ZMAT1: variants seen among roughly 807,000 people sequenced by gnomAD.
ZMAT1 encodes the protein zinc finger matrin-type protein 1.
In ZMAT1, 11 loss-of-function variants were observed where a neutral mutation model predicts 18.5. The ratio of observed to expected loss-of-function variants is 0.59; its 90% confidence interval spans 0.37 to 0.98. The LOEUF (loss-of-function observed/expected upper bound fraction) is 0.98. Ranked by LOEUF, ZMAT1 falls within the 50% of genes least tolerant of loss-of-function variation. The pLI, the probability that ZMAT1 is intolerant of heterozygous loss-of-function variation, is 0.01. For synonymous variants in ZMAT1, 211 were observed against 176.4 expected, an observed-to-expected ratio of 1.20 and a Z score of -1.55; for missense variants, 525 against 496.2, an observed-to-expected ratio of 1.06 and a Z score of -0.55.
intron 1 of ZMAT1, among the ~76,000 whole-genome samples, chrX:101,921,025 G>GA (rs34927033): frequency 0.13 from 13,090 of 98,629 alleles, 847 homozygotes; most frequent in Non-Finnish European, 0.19. Flanking sequence ...AGAGATTTTT[G>GA]AAAAAAAAAA....
intron 1 of ZMAT1, among the ~76,000 whole-genome samples, chrX:101,913,037 G>A (rs1929067662): frequency 9.0e-6 from 1 of 111,622 alleles, no homozygotes; most frequent in Non-Finnish European, 1.9e-5. Flanking sequence ...AAAGTGGGGG[G>A]ATGAAGTTAA....
intron 4 of ZMAT1, chrX:101,887,143 C>G (rs1006678312): frequency 1.0e-5 from 6 of 600,677 alleles, no homozygotes; most frequent in Non-Finnish European, 1.2e-5. Context: ...CAACCAAAAC[C>G]TGAAACGTCC....
chrX:101,890,728 G>A (rs780015937), intron 4 of ZMAT1, among the ~76,000 whole-genome samples: 22 of 110,739 alleles, frequency 2.0e-4, no homozygotes, highest in Admixed American at 1.3e-3. Context: ...AGCATAATAC[G>A]GGGGTCTGAA....
chrX:101,904,284 C>T lies in ZMAT1; in HGVS notation c.339G>A (p.Lys113=). 8.3e-7 allele frequency: 1 copy of T among 1,208,516 alleles called. No homozygotes were observed. The highest frequency in any genetic ancestry group is 1.1e-6 in the Non-Finnish European group (1 of 894,263). The change falls in exon 2 of 6, where the codon AAG becomes AAA. Residue 113 remains lysine, a synonymous_variant. Coordinates refer to ENST00000651725, the MANE Select transcript of ZMAT1 (RefSeq NM_001394560.1). ...EQEKAELFTD[K]FCQVCGVMLQ... ...GCATCACTCCACATACTTGACAAAA[C>T]TTATCTGTAAAAAGTTCAGCCTTTT...
intron 1 of ZMAT1, among the ~76,000 whole-genome samples, chrX:101,916,126 C>A (rs942017717): frequency 6.4e-5 from 7 of 110,063 alleles, no homozygotes; most frequent in African/African-American, 2.0e-4. Flanking sequence ...TAATCCTCAG[C>A]AAACTAACAC....
chrX:101,931,922 G>A lies in ZMAT1; in HGVS notation c.87C>T (p.Ser29=). Residue 29 remains serine, a synonymous_variant, in exon 1 of 6, where the codon TCC becomes TCT. Transcript: ENST00000651725. ...EATVSAASSS[S]YTACAAAAAA... is the part of the protein sequence containing the mutation. ...CCGCCGCTGCCGCGCAGGCGGTGTA[G>A]GAGGAGGAGGAGGCGGCAGAGACGG... 2.5e-6 allele frequency: 2 copies of A among 785,072 alleles called. No individual in the cohort carries two copies. The highest frequency in any genetic ancestry group is 3.0e-6 in the Non-Finnish European group (2 of 661,276). 64.7% of individuals were successfully genotyped at this position (785,072 alleles called of 1,213,427 possible). A position where few individuals can be genotyped will look rare whatever the true frequency, so the allele number is the denominator to read the frequency against.
chrX:101,931,140 C>A (rs1182076794), intron 1 of ZMAT1, among the ~76,000 whole-genome samples: 4 of 112,189 alleles, frequency 3.6e-5, no homozygotes, highest in African/African-American at 1.3e-4. Context: ...TACTTTAAAG[C>A]TCAAGTATAC....
At chrX:101,906,093 A>C (rs1360704776) in intron 1 of ZMAT1, among the ~76,000 whole-genome samples, 1 of 110,841 alleles carries the variant, frequency 9.0e-6, no homozygotes, top group East Asian at 2.8e-4. Context: ...TTCCAACTCC[A>C]AAACTGGACC....
rs377691196 is a variant in ZMAT1 at position 101,902,106 on chromosome X, A to G, written c.399+2118T>C. Among the ~76,000 whole-genome samples the G allele has an allele frequency of 2.6e-4, 29 of 112,385 alleles. 3 individuals are homozygous for G. The highest frequency in any genetic ancestry group is 2.2e-3 in the East Asian group (8 of 3,602). On this transcript the variant is annotated intron_variant, in intron 2 of 5. Transcript: ENST00000651725. ...AGCAGTTTACATCTCCAAATGCAGCAATGAGAGTGTTTCCCTATATTATCT... is the reference window on the plus strand; with the variant it reads ...AGCAGTTTACATCTCCAAATGCAGCGATGAGAGTGTTTCCCTATATTATCT...
chrX:101,923,196 T>C (rs767779315), intron 1 of ZMAT1, among the ~76,000 whole-genome samples: 1 of 111,954 alleles, frequency 8.9e-6, no homozygotes, highest in South Asian at 3.8e-4. Context: ...AATAAATCTA[T>C]TTTTATTGGT....
intron 1 of ZMAT1, among the ~76,000 whole-genome samples, chrX:101,916,885 C>T (rs1159932448): frequency 9.0e-6 from 1 of 111,623 alleles, no homozygotes; most frequent in Non-Finnish European, 1.9e-5. Flanking sequence ...GAAACAAATC[C>T]ACACACCTAC....
intron 1 of ZMAT1, among the ~76,000 whole-genome samples, chrX:101,924,484 G>C (rs923360664): frequency 1.8e-5 from 2 of 112,030 alleles, no homozygotes; most frequent in Admixed American, 1.9e-4. Context: ...GTATGAAGTG[G>C]AATATACCAT....
At position 101,931,799 on chromosome X, in the gene ZMAT1, G is replaced by T. The variant is rs949862493; in HGVS notation, c.210C>A (p.Gly70=). 3 of 780,052 alleles carry T rather than the reference G, an allele frequency of 3.8e-6. No homozygotes were observed. The highest frequency in any genetic ancestry group is 4.6e-6 in the Non-Finnish European group (3 of 658,592). The allele number at this position is 780,052 out of a possible 1,213,427, so 64.3% of individuals were successfully genotyped here. The change falls in exon 1 of 6, where the codon GGC becomes GGA. Residue 70 remains glycine (G), a synonymous_variant. Transcript: ENST00000651725. ...PAGGCGDGGG[G]GFGGSTMAAA... is the part of the protein sequence containing the mutation. The stretch of plus-strand genomic sequence containing the variant: ...CCGCCATAGTGGAGCCGCCAAAGCC[G>T]CCGCCGCCGCCGTCGCCACAGCCAC...
intron 2 of ZMAT1, among the ~76,000 whole-genome samples, chrX:101,898,834 A>G (rs1928011781): frequency 9.0e-6 from 1 of 111,661 alleles, no homozygotes; most frequent in African/African-American, 3.3e-5. Context: ...GCGGATCACA[A>G]GGTCAGGAGT....
chrX:101,898,203 T>G lies in ZMAT1; in HGVS notation c.417A>C (p.Gln139His). ...ISHYEGEKHA[Q>H]NVSFYFQMHG... Reference sequence around the variant, plus strand: ...GCATTTGAAAATAAAAACTAACATTTTGAGCATGTTTTTCACCCTGAAAAA... The same window carrying G: ...GCATTTGAAAATAAAAACTAACATTGTGAGCATGTTTTTCACCCTGAAAAA... The change falls in exon 3 of 6, where the codon CAA becomes CAC. Residue 139 changes from glutamine to histidine, a missense_variant. Gln to His is a conservative substitution (Grantham distance 24). Transcript: ENST00000651725. 8.3e-7 allele frequency: 1 copy of G among 1,208,714 alleles called. No homozygotes were observed. The highest frequency in any genetic ancestry group is 1.1e-6 in the Non-Finnish European group (1 of 893,213).
chrX:101,888,730 GA>G (rs760322683), intron 4 of ZMAT1: 1 of 111,290 alleles, frequency 9.0e-6, no homozygotes, highest in African/African-American at 3.3e-5. Flanking sequence ...ATTTTTATGT[GA>G]TTTTTTTTAA....
chrX:101,914,068 T>C (rs919389687), intron 1 of ZMAT1, among the ~76,000 whole-genome samples: 8 of 111,086 alleles, frequency 7.2e-5, no homozygotes, highest in African/African-American at 2.6e-4. Context: ...TACATGGAAA[T>C]TAAACAATAT....
intron 1 of ZMAT1, among the ~76,000 whole-genome samples, chrX:101,928,364 C>CT: frequency 9.0e-6 from 1 of 111,668 alleles, no homozygotes; most frequent in Admixed American, 9.5e-5. Context: ...CTTTTTCTTT[C>CT]TTTTTTTGTT....
chrX:101,885,823 A>G (rs1462790286), intron 5 of ZMAT1, among the ~76,000 whole-genome samples: 1 of 110,435 alleles, frequency 9.1e-6, no homozygotes, highest in Admixed American at 9.7e-5. Flanking sequence ...AGCTGTGACC[A>G]TGGGTACATG....
Sources: gnomAD v4.1 joint callset for allele counts (sites outside exome capture counted in the v4.1 genomes callset) on GRCh38, gnomAD v4.1.1 for gene constraint, MANE v1.5 for transcripts, NCBI Gene and HGNC (gene_info 2026-07-23, HGNC 2026-07-21) for gene names.